The following LASP1 variants were observed in gnomAD, a reference collection of about 807,000 sequenced individuals.
LASP1 encodes the protein LIM and SH3 domain protein 1.
A neutral mutation model predicts 38.6 loss-of-function variants in LASP1; 10 were observed. That is an observed-to-expected ratio of 0.26 (90% CI 0.16 to 0.44). The LOEUF is 0.44. Ranked by LOEUF, LASP1 falls within the 20% of genes least tolerant of loss-of-function variation. The pLI, the probability that LASP1 is intolerant of heterozygous loss-of-function variation, is 1.00. For missense variants in LASP1, 243 were observed against 375.7 expected, an observed-to-expected ratio of 0.65 and a Z score of 2.92; for synonymous variants, 132 against 140.8, an observed-to-expected ratio of 0.94 and a Z score of 0.44.
intron 2 of LASP1, among the ~76,000 whole-genome samples, chr17:38,889,903 TTC>T (rs1346298592): frequency 2.6e-5 from 4 of 152,180 alleles, no homozygotes; most frequent in Non-Finnish European, 4.4e-5. Context: ...ACCGTGTGTT[TTC>T]TCTCTCACCA....
intron 1 of LASP1, among the ~76,000 whole-genome samples, chr17:38,877,572 G>A (rs1598104126): frequency 1.3e-5 from 2 of 152,280 alleles, no homozygotes; most frequent in South Asian, 4.2e-4. Flanking sequence ...GGGCTGGTGG[G>A]TGTGCTGGGC....
At chr17:38,871,405 C>T (rs1411888333) in intron 1 of LASP1, among the ~76,000 whole-genome samples, 1 of 152,074 alleles carries the variant, frequency 6.6e-6, no homozygotes, top group Non-Finnish European at 1.5e-5. Flanking sequence ...TTCCTCACCG[C>T]GTCTTTCATC....
In LASP1 at chr17:38,919,626, T is replaced by G; in HGVS notation, c.*848T>G. 3.4e-6 allele frequency: 1 copy of G among 293,380 alleles called. No individual in the cohort carries two copies. The highest frequency in any genetic ancestry group is 6.6e-6 in the Non-Finnish European group (1 of 151,468). 18.2% of individuals were successfully genotyped at this position (293,380 alleles called of 1,614,324 possible). ...GGCTGGAAGCCATGGTCCCGAAGTG[T>G]AGGGCAAGGGTGCCTCAGGACCTTT... On this transcript the variant is annotated 3_prime_UTR_variant, in exon 7 of 7. Transcript: ENST00000318008.
At chr17:38,879,914 G>T (rs1913893343) in intron 2 of LASP1, among the ~76,000 whole-genome samples, 1 of 152,174 alleles carries the variant, frequency 6.6e-6, no homozygotes, top group South Asian at 2.1e-4. Flanking sequence ...CACTGGGCAG[G>T]TTATCTGGGT....
intron 3 of LASP1, among the ~76,000 whole-genome samples, chr17:38,891,290 C>G (rs1466330071): frequency 3.3e-5 from 5 of 152,092 alleles, no homozygotes; most frequent in Admixed American, 2.6e-4. Context: ...CGCCCAGGAC[C>G]CACTCAGGAT....
At chr17:38,916,619 T>C (rs1384780306) in intron 6 of LASP1, 1 of 151,052 alleles carries the variant, frequency 6.6e-6, no homozygotes, top group Non-Finnish European at 1.5e-5. Context: ...CCCAGCACTT[T>C]GGGAGGCCAA....
chr17:38,902,911 T>C (rs992997709), intron 4 of LASP1, among the ~76,000 whole-genome samples: 1 of 151,978 alleles, frequency 6.6e-6, no homozygotes, highest in African/African-American at 2.4e-5. Context: ...CCATATTGGC[T>C]CGGCTGGTCT....
intron 2 of LASP1, 44 bp from the exon 3 acceptor site, chr17:38,890,376 C>T: frequency 6.4e-7 from 1 of 1,562,830 alleles, no homozygotes; most frequent in Non-Finnish European, 8.8e-7. Context: ...AGGCTCCTGC[C>T]CCTCCCCCAG....
At chr17:38,896,337 G>C (rs1914490935) in intron 3 of LASP1, among the ~76,000 whole-genome samples, 1 of 152,196 alleles carries the variant, frequency 6.6e-6, no homozygotes, top group African/African-American at 2.4e-5. Flanking sequence ...ACCCAGAGAG[G>C]GGAACTGACT....
intron 1 of LASP1, among the ~76,000 whole-genome samples, chr17:38,874,654 C>T (rs1598102555): frequency 1.3e-5 from 2 of 152,214 alleles, no homozygotes; most frequent in South Asian, 4.1e-4. Context: ...CTCCACTTGA[C>T]ACTTGTGCTT....
At chr17:38,905,485 C>T (rs967087086) in intron 4 of LASP1, among the ~76,000 whole-genome samples, 11 of 144,468 alleles carry the variant, frequency 7.6e-5, no homozygotes, top group African/African-American at 2.6e-4. Flanking sequence ...GAGTTGAGAT[C>T]GCACCACTGC....
chr17:38,905,619 C>T (rs894373013), intron 4 of LASP1, among the ~76,000 whole-genome samples: 14 of 151,998 alleles, frequency 9.2e-5, no homozygotes, highest in Admixed American at 8.5e-4. Context: ...TTTACCCTCC[C>T]ACCAGCAGAG....
chr17:38,910,530 T>C (rs1277406669), intron 4 of LASP1, among the ~76,000 whole-genome samples: 1 of 151,732 alleles, frequency 6.6e-6, no homozygotes, highest in African/African-American at 2.4e-5. Flanking sequence ...CTGGATTTGG[T>C]CCATGGACCA....
intron 3 of LASP1, among the ~76,000 whole-genome samples, chr17:38,897,644 A>G (rs1341793996): frequency 2.0e-5 from 3 of 152,096 alleles, no homozygotes; most frequent in Non-Finnish European, 4.4e-5. Context: ...GTGGGGTGGA[A>G]GGGTTCTTCC....
chr17:38,880,579 G>A (rs545206147), intron 2 of LASP1, among the ~76,000 whole-genome samples: 4 of 152,310 alleles, frequency 2.6e-5, no homozygotes, highest in South Asian at 4.1e-4. Context: ...GCCCAGTTGG[G>A]ATGTTTCCTG....
At chr17:38,880,749 C>T (rs17666528) in intron 2 of LASP1, among the ~76,000 whole-genome samples, 18,262 of 152,216 alleles carry the variant, frequency 0.12, 1,156 homozygotes, top group African/African-American at 0.14. Context: ...CCAGGTGTGG[C>T]GCCCGCTTGC....
At chr17:38,903,912 A>G (rs987816473) in intron 4 of LASP1, 2 of 152,206 alleles carry the variant, frequency 1.3e-5, no homozygotes, top group East Asian at 1.9e-4. Context: ...GGTCCATGCT[A>G]TGGGATAAAG....
intron 4 of LASP1, among the ~76,000 whole-genome samples, chr17:38,899,988 C>A (rs751587674): frequency 6.6e-5 from 10 of 151,714 alleles, no homozygotes; most frequent in Non-Finnish European, 1.2e-4. Context: ...CCTTGGCCTC[C>A]CAAAGTGCTA....
chr17:38,881,055 AT>A, intron 2 of LASP1, among the ~76,000 whole-genome samples: 1 of 152,122 alleles, frequency 6.6e-6, no homozygotes, highest in African/African-American at 2.4e-5. Context: ...GTGAGCCAAG[AT>A]TGCCTCTGCA....
Sources: gnomAD v4.1 joint callset for allele counts (sites outside exome capture counted in the v4.1 genomes callset) on GRCh38, gnomAD v4.1.1 for gene constraint, MANE v1.5 for transcripts, NCBI Gene and HGNC (gene_info 2026-07-23, HGNC 2026-07-21) for gene names.